GRIK3: variants seen among roughly 807,000 people sequenced by gnomAD.
GRIK3 encodes the protein glutamate ionotropic receptor kainate type subunit 3, also known as glutamate receptor ionotropic, kainate 3.
A neutral mutation model predicts 102.5 loss-of-function variants in GRIK3; 29 were observed. The observed-to-expected ratio is 0.28, with a 90% CI of 0.21 to 0.39. GRIK3 has a LOEUF of 0.39. Ranked by LOEUF, GRIK3 falls within the 10% of genes least tolerant of loss-of-function variation. GRIK3 has a pLI of 1.00. For synonymous variants in GRIK3, 511 were observed against 504.9 expected (o/e 1.01, Z -0.16); for missense variants, 908 against 1,252.4 (o/e 0.73, Z 4.15).
At chr1:37,007,217 A>G (rs1205213760) in intron 1 of GRIK3, among the ~76,000 whole-genome samples, 2 of 152,196 alleles carry the variant, frequency 1.3e-5, no homozygotes, top group Non-Finnish European at 2.9e-5. Context: ...AGGTCTCCCA[A>G]TGAGGTGGGT....
At chr1:36,829,410 T>TG (rs1491144797) in intron 10 of GRIK3, among the ~76,000 whole-genome samples, 99 of 139,550 alleles carry the variant, frequency 7.1e-4, no homozygotes, top group African/African-American at 2.7e-3. Flanking sequence ...TTGTTTTTTG[T>TG]TTTTTTTTTT....
intron 1 of GRIK3, among the ~76,000 whole-genome samples, chr1:37,024,759 A>AAAT (rs1254939118): frequency 1.3e-5 from 2 of 151,336 alleles, no homozygotes; most frequent in African/African-American, 4.9e-5. Flanking sequence ...AAAAAAAAAA[A>AAAT]AAAAGAGTTT....
chr1:36,806,451 G>T lies in GRIK3; in HGVS notation c.2092-125C>A. The T allele has an allele frequency of 3.3e-6, 2 of 613,392 alleles. No homozygotes were observed. The highest frequency in any genetic ancestry group is 5.8e-6 in the Non-Finnish European group (2 of 344,998). The allele number at this position is 613,392 out of a possible 1,614,324, so 38.0% of individuals were successfully genotyped here. The stretch of plus-strand genomic sequence containing the variant: ...GGTCTACAATCTTCAGAGAAAGGAA[G>T]TGCTACACGGTGCTCAGATATAGAA... On this transcript the variant is annotated intron_variant, in intron 13 of 15. Coordinates refer to ENST00000373091, the MANE Select transcript of GRIK3 (RefSeq NM_000831.4). The surrounding 1 kb of genome is among the most constrained non-coding windows in gnomAD (Gnocchi z 4.0).
chr1:36,998,864 C>A (rs1053618251), intron 1 of GRIK3, among the ~76,000 whole-genome samples: 1 of 152,116 alleles, frequency 6.6e-6, no homozygotes, highest in East Asian at 1.9e-4. Context: ...GTGGCTAAAG[C>A]CCAAGGGGCT....
rs1187122565 is a variant in GRIK3 at position 36,860,129 on chromosome 1, C to G, written c.787-112G>C. On this transcript the variant is annotated intron_variant, in intron 5 of 15. Transcript: ENST00000373091. ...CGCCCCAGGGCCTGAGGTCGCAGCT[C>G]CCTGCAAAGCCCTGCAGAGGGGGTG... 5 of 723,412 alleles carry G rather than the reference C, an allele frequency of 6.9e-6. No individual in the cohort carries two copies. In the Admixed American group the frequency reaches 1.3e-4, roughly 19 times the overall value. 44.8% of individuals were successfully genotyped at this position (723,412 alleles called of 1,614,324 possible).
chr1:36,907,360 G>A (rs1452395973), intron 1 of GRIK3, among the ~76,000 whole-genome samples: 1 of 152,188 alleles, frequency 6.6e-6, no homozygotes, highest in Admixed American at 6.5e-5. Context: ...AAAGGTGGGC[G>A]AGTCAAGTAA....
chr1:37,022,934 G>A (rs894775025), intron 1 of GRIK3, among the ~76,000 whole-genome samples: 6 of 152,208 alleles, frequency 3.9e-5, no homozygotes, highest in Non-Finnish European at 7.3e-5. Flanking sequence ...AAAAGTAGAG[G>A]GTGCTGTGGG....
chr1:36,952,498 C>T (rs1223292246), intron 1 of GRIK3, among the ~76,000 whole-genome samples: 1 of 152,234 alleles, frequency 6.6e-6, no homozygotes, highest in African/African-American at 2.4e-5. Flanking sequence ...TGAGTTTCTT[C>T]ACTTCTCTGG....
At chr1:36,859,660 C>T (rs1640697556) in intron 6 of GRIK3, among the ~76,000 whole-genome samples, 184 bp downstream of exon 6, 1 of 152,184 alleles carries the variant, frequency 6.6e-6, no homozygotes, top group African/African-American at 2.4e-5. Flanking sequence ...TCAGATGGGT[C>T]CCTTGGGGAG....
intron 15 of GRIK3, 66 bp from the exon 16 acceptor site, chr1:36,802,111 A>G (rs775748008): frequency 3.5e-6 from 4 of 1,148,334 alleles, no homozygotes; most frequent in Non-Finnish European, 5.0e-6. Context: ...TTGCAACTCC[A>G]GCCAGTTCCT....
chr1:36,962,404 T>G (rs1442382961), intron 1 of GRIK3, among the ~76,000 whole-genome samples: 2 of 151,934 alleles, frequency 1.3e-5, no homozygotes, highest in African/African-American at 4.8e-5. Flanking sequence ...ATCCCCTAGG[T>G]ACATGCATGC....
At chr1:36,983,866 AG>A (rs780462554) in intron 1 of GRIK3, among the ~76,000 whole-genome samples, 1 of 152,168 alleles carries the variant, frequency 6.6e-6, no homozygotes, top group Non-Finnish European at 1.5e-5. Context: ...GGCATCCACG[AG>A]GTGCCTGGCA....
intron 9 of GRIK3, 74 bp from the exon 10 acceptor site, chr1:36,842,013 A>G: frequency 8.3e-7 from 1 of 1,197,608 alleles, no homozygotes; most frequent in Non-Finnish European, 1.2e-6. Flanking sequence ...CTGGAGAGTC[A>G]GGGCTAGGAC....
At chr1:36,839,937 G>A (rs1046753186) in intron 10 of GRIK3, among the ~76,000 whole-genome samples, 2 of 152,162 alleles carry the variant, frequency 1.3e-5, no homozygotes, top group African/African-American at 4.8e-5. Flanking sequence ...GAGGCAAGGG[G>A]GCTTAACCGA....
chr1:36,930,654 G>T (rs1219898360), intron 1 of GRIK3, among the ~76,000 whole-genome samples: 1 of 152,200 alleles, frequency 6.6e-6, no homozygotes, highest in Non-Finnish European at 1.5e-5. Context: ...CCACAGGCCT[G>T]ACCACAATGG....
chr1:37,007,962 C>T (rs1557461371), intron 1 of GRIK3, among the ~76,000 whole-genome samples: 1 of 152,200 alleles, frequency 6.6e-6, no homozygotes. Context: ...CTCTTCAGTG[C>T]CCTGGATCCT....
At chr1:36,869,705 G>C (rs769687500) in intron 5 of GRIK3, 43 bp downstream of exon 5, 4 of 1,408,606 alleles carry the variant, frequency 2.8e-6, no homozygotes, top group South Asian at 1.1e-5. Context: ...TGATCCATGA[G>C]AGTCCCACCC....
chr1:36,868,075 G>C (rs1353977864), intron 5 of GRIK3, among the ~76,000 whole-genome samples: 4 of 152,166 alleles, frequency 2.6e-5, no homozygotes, highest in Non-Finnish European at 5.9e-5. Context: ...GGATCCTAGT[G>C]TCCCCGGGTC....
chr1:36,866,615 C>T (rs780197870), intron 5 of GRIK3, among the ~76,000 whole-genome samples: 19 of 152,296 alleles, frequency 1.2e-4, no homozygotes, highest in Middle Eastern at 3.4e-3. Flanking sequence ...CATTTTATGA[C>T]GTCAATGCAC....
Sources: gnomAD v4.1 joint callset for allele counts (sites outside exome capture counted in the v4.1 genomes callset) on GRCh38, gnomAD v4.1.1 for gene constraint, Gnocchi (gnomAD v3.1) non-coding constraint, MANE v1.5 for transcripts, NCBI Gene and HGNC (gene_info 2026-07-23, HGNC 2026-07-21) for gene names.